WBP2NL: variants seen among roughly 807,000 people sequenced by gnomAD.
The protein encoded by WBP2NL is postacrosomal sheath WW domain-binding protein.
Under a neutral mutation model 23.3 loss-of-function variants are expected in WBP2NL, and 27 were observed. The observed-to-expected ratio is 1.16, with a 90% CI of 0.85 to 1.60. WBP2NL has a LOEUF of 1.60. Among genes scored for constraint, WBP2NL ranks in the 40% most tolerant of loss-of-function variants. The probability of loss-of-function intolerance (pLI) is 0.00; values close to 1 mark genes in which losing one functional copy is unlikely to be tolerated. For missense variants in WBP2NL, 370 were observed against 389.5 expected, an observed-to-expected ratio of 0.95 and a Z score of 0.42; for synonymous variants, 151 against 145.9, an observed-to-expected ratio of 1.03 and a Z score of -0.25.
At chr22:42,052,443 T>C (rs1036928775) in intron 8 of WBP2NL, among the ~76,000 whole-genome samples, 1 of 152,110 alleles carries the variant, frequency 6.6e-6, no homozygotes, top group African/African-American at 2.4e-5. Flanking sequence ...CATGCCCAGC[T>C]AATTTTTTGT....
chr22:42,006,166 A>G (rs1051314324), intron 1 of WBP2NL, among the ~76,000 whole-genome samples: 28 of 151,990 alleles, frequency 1.8e-4, no homozygotes, highest in Non-Finnish European at 3.2e-4. Context: ...TTGATGGGAA[A>G]TCATTAGGCA....
intron 1 of WBP2NL, among the ~76,000 whole-genome samples, chr22:42,004,187 G>C (rs1462367638): frequency 1.3e-5 from 2 of 152,110 alleles, no homozygotes; most frequent in African/African-American, 4.8e-5. Flanking sequence ...CAGGAGAATT[G>C]TGGGAACCCA....
chr22:42,021,380 G>C (rs1175343187), intron 4 of WBP2NL, among the ~76,000 whole-genome samples: 1 of 152,202 alleles, frequency 6.6e-6, no homozygotes, highest in African/African-American at 2.4e-5. Context: ...GTGGTAGGCT[G>C]ATAATGGATC....
intron 1 of WBP2NL, among the ~76,000 whole-genome samples, chr22:42,016,774 G>A (rs1923346406): frequency 6.6e-6 from 1 of 152,042 alleles, no homozygotes; most frequent in Admixed American, 6.6e-5. Flanking sequence ...TACCACCCTA[G>A]TTCCAGTTTT....
In WBP2NL at chr22:42,022,345, T is replaced by TG; in HGVS notation, c.504dup (p.Pro169AlafsTer36). The TG allele has an allele frequency of 6.2e-7, 1 of 1,612,468 alleles. No individual in the cohort carries two copies. The highest frequency in any genetic ancestry group is 8.5e-7 in the Non-Finnish European group (1 of 1,179,286). On this transcript the variant is annotated frameshift_variant, in exon 5 of 6. Transcript: ENST00000328823. LOFTEE classifies it low-confidence loss of function (END_TRUNC). ...GAAGGGAATATGTGCACTCCACAGA[T>TG]GCCTTGTTCAGGTAAGGTATGGCAG... is the stretch of plus-strand genomic sequence containing the variant.
chr22:42,037,127 T>TG (rs1925211317), downstream of WBP2NL, among the ~76,000 whole-genome samples: 1 of 98,714 alleles, frequency 1.0e-5, no homozygotes, highest in Admixed American at 1.1e-4. Context: ...TCAGATTTCA[T>TG]TTGTGTGTGT....
At chr22:42,013,185 C>G (rs1922985806) in intron 1 of WBP2NL, among the ~76,000 whole-genome samples, 2 of 151,482 alleles carry the variant, frequency 1.3e-5, no homozygotes, top group East Asian at 1.9e-4. Flanking sequence ...CCAGCCTGAC[C>G]AACATGGAGA....
At chr22:42,001,296 C>T (rs1569444434) in intron 1 of WBP2NL, 10 of 688,754 alleles carry the variant, frequency 1.5e-5, no homozygotes, top group Non-Finnish European at 2.1e-5. Context: ...GTCAACCCAG[C>T]AACGGCAGTG....
At chr22:42,032,240 C>T (rs1924996253), downstream of WBP2NL, 1 of 152,312 alleles carries the variant, frequency 6.6e-6, no homozygotes, top group Non-Finnish European at 1.5e-5. Context: ...AGTCTAAAAG[C>T]TTGTTGCCTT....
At chr22:42,038,792 C>T (rs530411380) in intron 8 of WBP2NL, among the ~76,000 whole-genome samples, 4 of 151,968 alleles carry the variant, frequency 2.6e-5, no homozygotes, top group Admixed American at 1.3e-4. Context: ...TTAGTAGAGA[C>T]GGGGTTTCAC....
intron 8 of WBP2NL, among the ~76,000 whole-genome samples, chr22:42,039,448 G>A (rs945222518): frequency 4.6e-5 from 7 of 151,346 alleles, no homozygotes; most frequent in Non-Finnish European, 8.8e-5. Flanking sequence ...CTGGCTCAGC[G>A]TTCCAAAGTA....
chr22:42,027,562 G>A lies in WBP2NL; in HGVS notation c.*381G>A, dbSNP rs557749924. ...AGGCACTAAGATGCGTGCTAAAAACGTCATGTTGAACACTTAGTTGTTTGA... is the reference window on the plus strand; with the variant it reads ...AGGCACTAAGATGCGTGCTAAAAACATCATGTTGAACACTTAGTTGTTTGA... On this transcript the variant is annotated 3_prime_UTR_variant, in exon 6 of 6. Coordinates refer to ENST00000328823, the MANE Select transcript of WBP2NL (RefSeq NM_152613.3). 1.9e-5 allele frequency: 5 copies of A among 260,900 alleles called. No homozygotes were observed. Among genetic ancestry groups the A allele is most frequent in the East Asian group, 7.2e-5 (1 of 13,970 alleles). The allele number at this position is 260,900 out of a possible 1,614,324, so 16.2% of individuals were successfully genotyped here.
downstream of WBP2NL, among the ~76,000 whole-genome samples, chr22:42,034,340 C>T (rs1758792875): frequency 6.6e-6 from 1 of 152,178 alleles, no homozygotes; most frequent in African/African-American, 2.4e-5. Flanking sequence ...TAAAGCTGGG[C>T]ATCCGGGGGA....
chr22:42,057,451 C>A (rs1602486805), intron 8 of WBP2NL, among the ~76,000 whole-genome samples: 2 of 151,960 alleles, frequency 1.3e-5, no homozygotes, highest in Middle Eastern at 3.4e-3. Context: ...TTCTTTAGAC[C>A]CGGCTTCCTT....
At chr22:42,035,641 A>G (rs895871056), downstream of WBP2NL, among the ~76,000 whole-genome samples, 1 of 151,956 alleles carries the variant, frequency 6.6e-6, no homozygotes, top group African/African-American at 2.4e-5. Context: ...TTGTCTCTTA[A>G]ATTATTTTGC....
chr22:42,050,374 G>A (rs1925793811), intron 8 of WBP2NL, among the ~76,000 whole-genome samples: 1 of 152,032 alleles, frequency 6.6e-6, no homozygotes, highest in African/African-American at 2.4e-5. Flanking sequence ...GGCCAGGCAT[G>A]GTGGCTTATG....
chr22:42,006,724 A>G (rs1922289711), intron 1 of WBP2NL, among the ~76,000 whole-genome samples: 1 of 152,212 alleles, frequency 6.6e-6, no homozygotes, highest in African/African-American at 2.4e-5. Context: ...AATAAGGTTT[A>G]TGTTTTTATC....
At chr22:42,019,220 C>CA (rs371093593) in intron 1 of WBP2NL, 91 bp from the exon 2 acceptor site, 187,393 of 977,924 alleles carry the variant, frequency 0.19, 2,273 homozygotes, top group African/African-American at 0.35. Context: ...GACTCTGTCT[C>CA]AAAAAAAAAA....
Position 42,007,910 on chromosome 22 carries a change from T to A in WBP2NL, c.62+9030T>A, listed in dbSNP as rs145976773. ...ACACTGCTGGCAATTCTTTTGGATG[T>A]ATACCCAGAAGCAGGATTGCTAGCT... On this transcript the variant is annotated intron_variant, in intron 1 of 5. Coordinates refer to ENST00000328823, the MANE Select transcript of WBP2NL (RefSeq NM_152613.3). 1.4e-3 allele frequency among the ~76,000 whole-genome samples: 209 copies of A among 152,346 alleles called. 2 individuals carry two copies. The East Asian group carries it at 0.015, about 11-fold the overall frequency.
Sources: gnomAD v4.1 joint callset for allele counts (sites outside exome capture counted in the v4.1 genomes callset) on GRCh38, gnomAD v4.1.1 for gene constraint, MANE v1.5 for transcripts, NCBI Gene and HGNC (gene_info 2026-07-23, HGNC 2026-07-21) for gene names.